The following CD99L2 variants were observed in gnomAD, a reference collection of about 807,000 sequenced individuals.
The protein encoded by CD99L2 is CD99 antigen-like protein 2.
A neutral mutation model predicts 27.3 loss-of-function variants in CD99L2; 24 were observed. The ratio of observed to expected loss-of-function variants is 0.88; its 90% CI spans 0.64 to 1.24. CD99L2 has a LOEUF of 1.24. CD99L2 is among the 50% of genes most tolerant of loss of function. The pLI is 0.00. For missense variants in CD99L2, 255 were observed against 221.6 expected (o/e 1.15, Z -0.96); for synonymous variants, 97 against 87.9 (o/e 1.10, Z -0.58).
At chrX:150,857,166 C>T (rs146688854) in intron 1 of CD99L2, among the ~76,000 whole-genome samples, 22 of 111,358 alleles carry the variant, frequency 2.0e-4, no homozygotes, top group African/African-American at 4.6e-4. Context: ...TCTCAGAAGG[C>T]GAAGAGAGAA....
At chrX:150,890,147 T>A (rs910720747) in intron 1 of CD99L2, among the ~76,000 whole-genome samples, 4 of 80,124 alleles carry the variant, frequency 5.0e-5, no homozygotes, top group Non-Finnish European at 8.9e-5. Flanking sequence ...CGAGACTCCG[T>A]CTCAAAATAA....
chrX:150,844,417 A>G (rs1231827954), intron 1 of CD99L2, among the ~76,000 whole-genome samples: 1 of 111,823 alleles, frequency 8.9e-6, no homozygotes, highest in African/African-American at 3.3e-5. Flanking sequence ...TCTCTCCCTT[A>G]ACACAAACAA....
At chrX:150,793,655 A>G in intron 7 of CD99L2, 36 bp downstream of exon 7, 1 of 1,119,468 alleles carries the variant, frequency 8.9e-7, no homozygotes, top group East Asian at 3.1e-5. Context: ...TTTTCACCAG[A>G]ATAAGGGTTG....
intron 2 of CD99L2, chrX:150,818,658 TAA>T (rs1290719141): frequency 1.5e-5 from 2 of 135,039 alleles, no homozygotes; most frequent in African/African-American, 6.4e-5. Context: ...ATGCCTACAT[TAA>T]AAAAAGAGAA....
At chrX:150,769,670 TCCCTGCCTGCGCCACCAGG>T (rs2043386369) in intron 10 of CD99L2, among the ~76,000 whole-genome samples, 1 of 105,516 alleles carries the variant, frequency 9.5e-6, no homozygotes, top group Non-Finnish European at 1.9e-5. Flanking sequence ...TGTCCTAGTC[TCCCTGCCTGCGCCACCAGG>T]CCTCGGCTGC....
At chrX:150,829,680 C>A in intron 2 of CD99L2, 1 of 211,400 alleles carries the variant, frequency 4.7e-6, no homozygotes, top group Non-Finnish European at 8.9e-6. Context: ...CACCTGTTAA[C>A]ATTAAAAAAA....
intron 1 of CD99L2, among the ~76,000 whole-genome samples, chrX:150,868,022 C>T (rs2047096065): frequency 9.8e-6 from 1 of 102,077 alleles, no homozygotes; most frequent in Admixed American, 1.1e-4. Flanking sequence ...GCGGAGCTTG[C>T]AGTCAGCAGA....
At chrX:150,778,180 G>GCA (rs1182829573) in intron 7 of CD99L2, among the ~76,000 whole-genome samples, 1 of 109,351 alleles carries the variant, frequency 9.1e-6, no homozygotes, top group African/African-American at 3.3e-5. Flanking sequence ...ATTCACACAC[G>GCA]CACACACACA....
chrX:150,801,843 C>A (rs782057312), intron 4 of CD99L2, among the ~76,000 whole-genome samples: 1 of 111,314 alleles, frequency 9.0e-6, no homozygotes, highest in African/African-American at 3.3e-5. Context: ...ATGAAAAAAT[C>A]TAACACTCAT....
At chrX:150,837,745 T>C (rs2046555688) in intron 1 of CD99L2, among the ~76,000 whole-genome samples, 1 of 111,603 alleles carries the variant, frequency 9.0e-6, no homozygotes, top group Non-Finnish European at 1.9e-5. Flanking sequence ...TATCTACGAG[T>C]CCATGCTGAA....
chrX:150,851,757 T>G (rs1329889553), intron 1 of CD99L2, among the ~76,000 whole-genome samples: 1 of 111,651 alleles, frequency 9.0e-6, no homozygotes, highest in Non-Finnish European at 1.9e-5. Context: ...CTCATGGCTC[T>G]TTCTCCATTT....
chrX:150,861,141 C>CAAAAA (rs782255590), intron 1 of CD99L2, among the ~76,000 whole-genome samples: 2,384 of 40,761 alleles, frequency 0.058, 88 homozygotes, highest in East Asian at 0.12. Context: ...GACTCTGTCT[C>CAAAAA]AAAAAAAAAA....
intron 1 of CD99L2, among the ~76,000 whole-genome samples, chrX:150,850,548 T>G (rs1220204683): frequency 8.9e-6 from 1 of 112,515 alleles, no homozygotes; most frequent in Admixed American, 9.4e-5. Context: ...CTCACAGAGA[T>G]AAATGTTGCA....
chrX:150,789,711 C>G (rs2045657262), intron 7 of CD99L2, among the ~76,000 whole-genome samples: 1 of 111,004 alleles, frequency 9.0e-6, no homozygotes, highest in Non-Finnish European at 1.9e-5. Context: ...ATAGCAAGAC[C>G]CCATCCCTAC....
chrX:150,848,556 T>A (rs868991302), intron 1 of CD99L2, among the ~76,000 whole-genome samples: 12 of 93,749 alleles, frequency 1.3e-4, no homozygotes, highest in African/African-American at 1.2e-4. Context: ...TTCCACAATT[T>A]AAAAAAAAAA....
chrX:150,850,931 G>A (rs1056385679), intron 1 of CD99L2, among the ~76,000 whole-genome samples: 1 of 111,000 alleles, frequency 9.0e-6, no homozygotes, highest in Non-Finnish European at 1.9e-5. Flanking sequence ...TCTGCCTCCC[G>A]GGTTCAAGTG....
intron 1 of CD99L2, among the ~76,000 whole-genome samples, chrX:150,841,594 C>T (rs1481780313): frequency 8.9e-6 from 1 of 111,873 alleles, no homozygotes; most frequent in Non-Finnish European, 1.9e-5. Context: ...AGTAGGTTCT[C>T]TGAAATGACA....
intron 1 of CD99L2, among the ~76,000 whole-genome samples, chrX:150,878,321 A>G (rs1387244524): frequency 9.2e-6 from 1 of 108,972 alleles, no homozygotes; most frequent in African/African-American, 3.3e-5. Flanking sequence ...CTGGGCAACA[A>G]GGGCAAAACT....
Position 150,776,114 on chromosome X carries a change from C to A in CD99L2, c.655+60G>T, listed in dbSNP as rs1426430659. 9 of 1,185,656 alleles carry A rather than the reference C, an allele frequency of 7.6e-6. No homozygotes were observed. The South Asian group carries it at 1.7e-4, about 23-fold the overall frequency. On this transcript the variant is annotated intron_variant, in intron 9 of 10. Coordinates refer to ENST00000370377, the MANE Select transcript of CD99L2 (RefSeq NM_031462.4). ...GGAGGGATCTGGATCTGTCCTGGCC[C>A]CTTTCCCTCCAAAGACCTTGCCAGC...
Sources: allele counts gnomAD v4.1 joint callset (sites outside exome capture counted in the v4.1 genomes callset), GRCh38; gene constraint gnomAD v4.1.1; transcripts MANE v1.5; gene names NCBI Gene and HGNC (gene_info 2026-07-23, HGNC 2026-07-21).